CSMD1: variants seen among roughly 807,000 people sequenced by gnomAD.
CSMD1 encodes the protein CUB and Sushi multiple domains 1.
Under a neutral mutation model 417.5 loss-of-function variants are expected in CSMD1, and 213 were observed. The observed-to-expected ratio is 0.51, with a 90% CI of 0.46 to 0.57. The LOEUF is 0.57. Ranked by LOEUF, CSMD1 falls within the 20% of genes least tolerant of loss-of-function variation. The pLI is 0.00. For synonymous variants in CSMD1, 2,862 were observed against 1,736.8 expected (o/e 1.65, Z -16.11); for missense variants, 6,923 against 4,529.7 (o/e 1.53, Z -15.17).
chr8:3,188,420 C>T (rs1796216848), intron 35 of CSMD1, among the ~76,000 whole-genome samples: 1 of 147,286 alleles, frequency 6.8e-6, no homozygotes, highest in African/African-American at 2.5e-5. Context: ...AATTCCCCTG[C>T]CTCAGCCTCC....
intron 6 of CSMD1, among the ~76,000 whole-genome samples, chr8:3,753,338 A>G (rs1797460981): frequency 1.3e-5 from 2 of 152,232 alleles, no homozygotes; most frequent in African/African-American, 4.8e-5. Flanking sequence ...CATACAGGAA[A>G]TGATACAATA....
chr8:3,676,510 C>G (rs1260687031), intron 7 of CSMD1, among the ~76,000 whole-genome samples: 1 of 152,154 alleles, frequency 6.6e-6, no homozygotes, highest in African/African-American at 2.4e-5. Flanking sequence ...AATTTTATAT[C>G]TCAGAAGCAT....
chr8:4,263,436 A>AC (rs1271899005), intron 3 of CSMD1, among the ~76,000 whole-genome samples: 1 of 152,184 alleles, frequency 6.6e-6, no homozygotes, highest in East Asian at 1.9e-4. Flanking sequence ...ATCGTATGGG[A>AC]CTGCTTTTAG....
chr8:4,084,156 A>G (rs1007162610), intron 3 of CSMD1, among the ~76,000 whole-genome samples: 1 of 152,154 alleles, frequency 6.6e-6, no homozygotes, highest in Non-Finnish European at 1.5e-5. Flanking sequence ...TTATAAAAGC[A>G]GAATAATTAA....
intron 2 of CSMD1, among the ~76,000 whole-genome samples, chr8:4,617,397 C>A (rs555947951): frequency 6.6e-6 from 1 of 152,206 alleles, no homozygotes; most frequent in Non-Finnish European, 1.5e-5. Flanking sequence ...CTCCAATAAC[C>A]CTGTCATTCC....
intron 50 of CSMD1, among the ~76,000 whole-genome samples, chr8:3,051,625 A>T (rs946146660): frequency 6.6e-6 from 1 of 152,210 alleles, no homozygotes; most frequent in South Asian, 2.1e-4. Flanking sequence ...AGATCATTCT[A>T]TATGTACTGA....
intron 2 of CSMD1, among the ~76,000 whole-genome samples, chr8:4,614,788 G>T (rs1481044110): frequency 6.6e-6 from 1 of 151,978 alleles, no homozygotes; most frequent in Non-Finnish European, 1.5e-5. Flanking sequence ...TATGTCTGTA[G>T]AATTTAAAAT....
chr8:4,688,444 C>A (rs1806532147), intron 1 of CSMD1, among the ~76,000 whole-genome samples: 1 of 152,080 alleles, frequency 6.6e-6, no homozygotes, highest in South Asian at 2.1e-4. Flanking sequence ...AGCCATCTCC[C>A]CGGGTCCCTG....
intron 5 of CSMD1, among the ~76,000 whole-genome samples, chr8:3,864,814 T>C (rs1024935266): frequency 6.6e-6 from 1 of 152,226 alleles, no homozygotes; most frequent in Admixed American, 6.5e-5. Context: ...AAAGAGCTAT[T>C]TGTTATACAG....
chr8:3,695,087 C>CATGTGTGTGTGT (rs138655378), intron 7 of CSMD1, among the ~76,000 whole-genome samples: 3 of 145,492 alleles, frequency 2.1e-5, no homozygotes, highest in Admixed American at 6.9e-5. Flanking sequence ...GGAGGCCCTG[C>CATGTGTGTGTGT]GTGTGTGTGT....
At chr8:3,382,173 C>T (rs1356924193) in intron 18 of CSMD1, among the ~76,000 whole-genome samples, 3 of 151,800 alleles carry the variant, frequency 2.0e-5, no homozygotes, top group South Asian at 2.1e-4. Context: ...GCAGGGTAAT[C>T]GCTTGAACCT....
chr8:3,152,346 T>A (rs1472718839), intron 39 of CSMD1, among the ~76,000 whole-genome samples: 1 of 152,246 alleles, frequency 6.6e-6, no homozygotes, highest in African/African-American at 2.4e-5. Flanking sequence ...CCTATTAAAA[T>A]AATTTCTTAT....
chr8:4,776,640 G>A (rs916198715), intron 1 of CSMD1, among the ~76,000 whole-genome samples: 6 of 152,138 alleles, frequency 3.9e-5, no homozygotes, highest in Non-Finnish European at 7.4e-5. Flanking sequence ...TATTTAAATA[G>A]GGGGGTTGTG....
intron 7 of CSMD1, among the ~76,000 whole-genome samples, chr8:3,683,157 T>G (rs1446850999): frequency 6.6e-6 from 1 of 151,926 alleles, no homozygotes; most frequent in African/African-American, 2.4e-5. Context: ...GTAACAAACC[T>G]GCACGTTGTG....
chr8:4,358,943 G>A (rs988904920), intron 3 of CSMD1, among the ~76,000 whole-genome samples: 2 of 147,308 alleles, frequency 1.4e-5, no homozygotes, highest in Admixed American at 6.8e-5. Context: ...AGTACATTCA[G>A]TACTACACTT....
At chr8:3,449,148 G>C (rs1234814169) in intron 12 of CSMD1, among the ~76,000 whole-genome samples, 7 of 152,166 alleles carry the variant, frequency 4.6e-5, no homozygotes, top group South Asian at 2.1e-4. Flanking sequence ...CTTAATCTTT[G>C]AGTTTGCGTC....
chr8:3,221,096 G>A (rs1798184410), intron 28 of CSMD1, among the ~76,000 whole-genome samples: 1 of 152,102 alleles, frequency 6.6e-6, no homozygotes. Context: ...TGGAGATTCG[G>A]ATGATAAAAT....
At chr8:3,656,354 C>A (rs537385778) in intron 7 of CSMD1, among the ~76,000 whole-genome samples, 3 of 152,072 alleles carry the variant, frequency 2.0e-5, no homozygotes, top group African/African-American at 7.2e-5. Context: ...CTTTCCAGCG[C>A]GGCTGTTTAT....
chr8:4,967,391 G>A (rs1809938297), intron 1 of CSMD1, among the ~76,000 whole-genome samples: 1 of 152,160 alleles, frequency 6.6e-6, no homozygotes, highest in African/African-American at 2.4e-5. Flanking sequence ...AAGCCATTTT[G>A]CCTATAATAC....
Sources: allele counts gnomAD v4.1 joint callset (sites outside exome capture counted in the v4.1 genomes callset), GRCh38; gene constraint gnomAD v4.1.1; transcripts MANE v1.5; gene names NCBI Gene and HGNC (gene_info 2026-07-23, HGNC 2026-07-21).